AKAP19: variants seen among roughly 807,000 people sequenced by gnomAD.
The protein encoded by AKAP19 is small A-kinase anchoring protein.
chr2:190,074,928 A>T, the AKAP19 span, among the ~76,000 whole-genome samples: 1 of 152,168 alleles, frequency 6.6e-6, no homozygotes, highest in Non-Finnish European at 1.5e-5. Context: ...TATGATGTAA[A>T]TGTTGGTGTC....
At chr2:190,001,140 C>T in the AKAP19 span, among the ~76,000 whole-genome samples, 2 of 152,096 alleles carry the variant, frequency 1.3e-5, no homozygotes, top group African/African-American at 4.8e-5. Flanking sequence ...TTTTACTTCT[C>T]AACTCTAACA....
chr2:190,157,247 A>C, the AKAP19 span, among the ~76,000 whole-genome samples: 1 of 152,100 alleles, frequency 6.6e-6, no homozygotes, highest in African/African-American at 2.4e-5. Context: ...TTTTCTCTTT[A>C]TGCCAGTAGA....
At chr2:189,923,226 C>G in the AKAP19 span, 2 of 1,077,870 alleles carry the variant, frequency 1.9e-6, no homozygotes, top group Non-Finnish European at 2.7e-6. Flanking sequence ...CGACCTCCAG[C>G]AGCAGTCGGC....
the AKAP19 span, among the ~76,000 whole-genome samples, chr2:190,078,975 TTTAGAATC>T: frequency 6.7e-6 from 1 of 149,654 alleles, no homozygotes; most frequent in African/African-American, 2.5e-5. Context: ...AAAGGAAAAT[TTTAGAATC>T]CATTTTATAA....
chr2:189,984,285 G>T, the AKAP19 span, among the ~76,000 whole-genome samples: 1 of 152,048 alleles, frequency 6.6e-6, no homozygotes, highest in Non-Finnish European at 1.5e-5. Flanking sequence ...GTACACCCTG[G>T]GGGGGCCAGT....
the AKAP19 span, among the ~76,000 whole-genome samples, chr2:190,003,077 TAGAATTA>T: frequency 1.3e-5 from 2 of 152,102 alleles, no homozygotes; most frequent in African/African-American, 4.8e-5. Context: ...TAGTGTTTAT[TAGAATTA>T]AAAGATAACA....
the AKAP19 span, among the ~76,000 whole-genome samples, chr2:190,069,134 ATATG>A: frequency 2.3e-5 from 2 of 88,040 alleles, no homozygotes; most frequent in South Asian, 4.9e-4. Context: ...GTGTGCATGC[ATATG>A]TGTGTGTGTG....
At chr2:190,029,408 A>G in the AKAP19 span, among the ~76,000 whole-genome samples, 1 of 152,184 alleles carries the variant, frequency 6.6e-6, no homozygotes, top group Non-Finnish European at 1.5e-5. Context: ...TCGAGCTCTA[A>G]ATATTCAAGA....
chr2:189,929,846 G>A, the AKAP19 span, among the ~76,000 whole-genome samples: 1 of 152,050 alleles, frequency 6.6e-6, no homozygotes, highest in Non-Finnish European at 1.5e-5. Flanking sequence ...ATAAAACCTT[G>A]ACCCAAATGC....
chr2:190,060,820 T>C, the AKAP19 span, among the ~76,000 whole-genome samples: 2 of 151,998 alleles, frequency 1.3e-5, no homozygotes, highest in Non-Finnish European at 2.9e-5. Context: ...TTACACTTAC[T>C]GAGCAGCTGT....
chr2:189,941,148 T>A, the AKAP19 span, among the ~76,000 whole-genome samples: 11 of 152,248 alleles, frequency 7.2e-5, no homozygotes, highest in Non-Finnish European at 1.5e-4. Context: ...TTCCTTCAAT[T>A]ATAAAGGAGA....
the AKAP19 span, among the ~76,000 whole-genome samples, chr2:190,058,821 A>G: frequency 6.6e-6 from 1 of 152,082 alleles, no homozygotes; most frequent in South Asian, 2.1e-4. Context: ...AGAGTAGTAT[A>G]AGGTACTTCG....
the AKAP19 span, among the ~76,000 whole-genome samples, chr2:189,928,436 A>T: frequency 6.6e-6 from 1 of 152,172 alleles, no homozygotes. Context: ...CATAGACATC[A>T]TGTTTAAGTA....
At chr2:189,932,495 T>TAC in the AKAP19 span, among the ~76,000 whole-genome samples, 1 of 151,806 alleles carries the variant, frequency 6.6e-6, no homozygotes, top group East Asian at 1.9e-4. Context: ...CTAATATATA[T>TAC]ACCACATTTA....
At chr2:189,972,341 A>G in the AKAP19 span, among the ~76,000 whole-genome samples, 1 of 152,068 alleles carries the variant, frequency 6.6e-6, no homozygotes, top group Non-Finnish European at 1.5e-5. Flanking sequence ...ATTGATCTAT[A>G]TCTCTGTTTT....
At chr2:189,905,868 T>G in the AKAP19 span, among the ~76,000 whole-genome samples, 2 of 152,048 alleles carry the variant, frequency 1.3e-5, no homozygotes, top group Non-Finnish European at 2.9e-5. Context: ...GGTAGCAATT[T>G]GGTTTGCCTT....
the AKAP19 span, among the ~76,000 whole-genome samples, chr2:189,889,250 A>T: frequency 6.6e-6 from 1 of 152,152 alleles, no homozygotes; most frequent in African/African-American, 2.4e-5. Context: ...TGATTTATAT[A>T]TATTGAACCA....
chr2:190,122,925 T>C, the AKAP19 span, among the ~76,000 whole-genome samples: 1 of 151,992 alleles, frequency 6.6e-6, no homozygotes, highest in Non-Finnish European at 1.5e-5. Context: ...TCTTCCTACT[T>C]TGGCCTCCTG....
the AKAP19 span, among the ~76,000 whole-genome samples, chr2:190,198,114 G>C: frequency 1.3e-5 from 2 of 152,154 alleles, no homozygotes; most frequent in Admixed American, 1.3e-4. Flanking sequence ...AGTATGCAGC[G>C]TGAAGCAGGG....
Sources: gnomAD v4.1 joint callset for allele counts (sites outside exome capture counted in the v4.1 genomes callset) on GRCh38, gnomAD v4.1.1 for gene constraint, MANE v1.5 for transcripts, NCBI Gene and HGNC (gene_info 2026-07-23, HGNC 2026-07-21) for gene names.